Variants in SFMBT2 observed in about 807,000 individuals in gnomAD.
SFMBT2 encodes the protein Scm like with four mbt domains 2, also known as scm-like with four MBT domains protein 2.
In SFMBT2, 38 loss-of-function variants were observed where a neutral mutation model predicts 110.1. That is an observed-to-expected ratio of 0.35 (90% CI 0.27 to 0.45). SFMBT2 has a LOEUF of 0.45. Ranked by LOEUF, SFMBT2 falls within the 20% of genes least tolerant of loss-of-function variation. The probability of loss-of-function intolerance (pLI) is 1.00; values close to 1 mark genes in which losing one functional copy is unlikely to be tolerated. For synonymous variants in SFMBT2, 425 were observed against 425.4 expected, an observed-to-expected ratio of 1.00 and a Z score of 0.01; for missense variants, 1,011 against 1,094.9, an observed-to-expected ratio of 0.92 and a Z score of 1.08.
chr10:7,329,272 C>T (rs1040289956), intron 4 of SFMBT2, among the ~76,000 whole-genome samples: 1 of 152,154 alleles, frequency 6.6e-6, no homozygotes, highest in Admixed American at 6.5e-5. Context: ...TGACGCCTGG[C>T]GTGTGTTTTT....
rs560026161 is a variant in SFMBT2, at chr10:7,337,679, C to T, written c.436+29970G>A. Among the ~76,000 whole-genome samples the T allele has an allele frequency of 3.3e-5, 5 of 152,206 alleles. No homozygotes were observed. The East Asian group carries it at 7.7e-4, about 24-fold the overall frequency. Reference sequence around the variant, plus strand: ...ATCGTGAGCCAATTACACCTCTTTTCTTTATAAATTACCCAGTCCTGGGTA... The same window carrying T: ...ATCGTGAGCCAATTACACCTCTTTTTTTTATAAATTACCCAGTCCTGGGTA... On this transcript the variant is annotated intron_variant, in intron 4 of 20. Transcript: ENST00000397167.
intron 15 of SFMBT2, among the ~76,000 whole-genome samples, chr10:7,191,833 G>A (rs1838609525): frequency 6.6e-6 from 1 of 152,038 alleles, no homozygotes; most frequent in Non-Finnish European, 1.5e-5. Context: ...TTCAATATGG[G>A]CTCTGAAATT....
intron 12 of SFMBT2, chr10:7,205,018 T>G: frequency 1.4e-6 from 1 of 700,196 alleles, no homozygotes; most frequent in Non-Finnish European, 1.8e-6. Flanking sequence ...TGTGGTAATA[T>G]ACTTTATAAA....
chr10:7,230,892 A>T (rs370545826), intron 9 of SFMBT2, among the ~76,000 whole-genome samples: 11 of 152,308 alleles, frequency 7.2e-5, no homozygotes, highest in African/African-American at 2.6e-4. Flanking sequence ...ACATCACACC[A>T]CTGCACTCCA....
intron 4 of SFMBT2, among the ~76,000 whole-genome samples, chr10:7,366,442 A>G (rs903358591): frequency 2.0e-5 from 3 of 152,002 alleles, no homozygotes; most frequent in African/African-American, 7.2e-5. Context: ...AAAAAAAAAA[A>G]AAAAAAGATA....
intron 15 of SFMBT2, among the ~76,000 whole-genome samples, chr10:7,197,192 C>T (rs1319968129): frequency 1.3e-5 from 2 of 152,134 alleles, no homozygotes; most frequent in Non-Finnish European, 2.9e-5. Flanking sequence ...CTGTGCCATT[C>T]CAGGCTGGTT....
chr10:7,198,428 C>T (rs1838844105), intron 14 of SFMBT2, among the ~76,000 whole-genome samples: 1 of 152,192 alleles, frequency 6.6e-6, no homozygotes, highest in Admixed American at 6.5e-5. Flanking sequence ...AAGAGTGGGC[C>T]AGGTAGGCCA....
At chr10:7,248,081 A>G (rs1310583841) in intron 8 of SFMBT2, among the ~76,000 whole-genome samples, 1 of 152,244 alleles carries the variant, frequency 6.6e-6, no homozygotes, top group African/African-American at 2.4e-5. Flanking sequence ...AGGTAATTTT[A>G]TTGTGAATCT....
intron 4 of SFMBT2, among the ~76,000 whole-genome samples, chr10:7,338,283 G>T (rs918117494): frequency 2.6e-5 from 4 of 152,110 alleles, no homozygotes; most frequent in Non-Finnish European, 5.9e-5. Flanking sequence ...AACTTCACTG[G>T]AATTACAATT....
intron 1 of SFMBT2, among the ~76,000 whole-genome samples, chr10:7,388,190 G>A (rs1845667452): frequency 6.6e-6 from 1 of 151,434 alleles, no homozygotes; most frequent in Non-Finnish European, 1.5e-5. Context: ...TCCTGCCCTG[G>A]TAGAGATCTC....
intron 2 of SFMBT2, among the ~76,000 whole-genome samples, chr10:7,373,985 T>C (rs1845133442): frequency 6.6e-6 from 1 of 152,040 alleles, no homozygotes. Flanking sequence ...AAATCGAGGC[T>C]GGGCGCAGTG....
At chr10:7,164,395 A>C in intron 20 of SFMBT2, 1 of 984,178 alleles carries the variant, frequency 1.0e-6, no homozygotes, top group Non-Finnish European at 1.2e-6. Context: ...AAACAACAAC[A>C]AAAAACAACA....
intron 1 of SFMBT2, among the ~76,000 whole-genome samples, chr10:7,402,496 A>G (rs1247935676): frequency 6.6e-6 from 1 of 152,244 alleles, no homozygotes; most frequent in Non-Finnish European, 1.5e-5. Context: ...TCCAACCATC[A>G]AACTATGGTT....
chr10:7,282,125 C>T (rs1195900166), intron 6 of SFMBT2, among the ~76,000 whole-genome samples: 4 of 152,110 alleles, frequency 2.6e-5, no homozygotes, highest in African/African-American at 9.7e-5. Context: ...CTTCAGGGGC[C>T]CCCAAGAAGT....
In SFMBT2 at chr10:7,251,096, T is replaced by C. The variant is rs138233490; in HGVS notation, c.871-2447A>G. Among the ~76,000 whole-genome samples the C allele has an allele frequency of 3.5e-3, 529 of 152,166 alleles. 5 individuals are homozygous for C. Among genetic ancestry groups the C allele is most frequent in the African/African-American group, 0.012 (494 of 41,494 alleles). ...ATTATACTGATTTGATCTTTACAAATTATATGAATGTATTAATCACATGTA... is the reference window on the plus strand; with the variant it reads ...ATTATACTGATTTGATCTTTACAAACTATATGAATGTATTAATCACATGTA... On this transcript the variant is annotated intron_variant, in intron 7 of 20. Coordinates refer to ENST00000397167, the MANE Select transcript of SFMBT2 (RefSeq NM_001387889.1).
chr10:7,289,667 C>T (rs1842205110), intron 4 of SFMBT2, among the ~76,000 whole-genome samples: 2 of 152,194 alleles, frequency 1.3e-5, no homozygotes, highest in South Asian at 4.1e-4. Flanking sequence ...AAGAATCTTG[C>T]TAATTTTATA....
intron 15 of SFMBT2, among the ~76,000 whole-genome samples, chr10:7,192,575 CAG>C: frequency 6.6e-6 from 1 of 152,324 alleles, no homozygotes; most frequent in Middle Eastern, 3.4e-3. Context: ...CAGCACATGA[CAG>C]ACTCCCCAGA....
chr10:7,317,717 G>A (rs1843059843), intron 4 of SFMBT2, among the ~76,000 whole-genome samples: 1 of 151,516 alleles, frequency 6.6e-6, no homozygotes, highest in Non-Finnish European at 1.5e-5. Context: ...AGAGGAGAAG[G>A]TAAAAGATCT....
intron 7 of SFMBT2, among the ~76,000 whole-genome samples, chr10:7,253,374 G>A (rs1428263843): frequency 6.6e-6 from 1 of 152,150 alleles, no homozygotes; most frequent in African/African-American, 2.4e-5. Flanking sequence ...TTATGGTACC[G>A]AGCCCTTCAC....
Sources: gnomAD v4.1 joint callset for allele counts (sites outside exome capture counted in the v4.1 genomes callset) on GRCh38, gnomAD v4.1.1 for gene constraint, MANE v1.5 for transcripts, NCBI Gene and HGNC (gene_info 2026-07-23, HGNC 2026-07-21) for gene names.